The following USP15 variants were observed in gnomAD, a reference collection of about 807,000 sequenced individuals.
The protein encoded by USP15 is ubiquitin carboxyl-terminal hydrolase 15.
USP15 carries 18 observed loss-of-function variants against 127.1 expected under a neutral mutation model. The observed-to-expected ratio is 0.14, with a 90% confidence interval of 0.10 to 0.21. USP15 has a LOEUF of 0.21. Among genes scored for constraint, USP15 ranks in the 10% least tolerant of loss-of-function variants. The pLI is 1.00. For synonymous variants in USP15, 364 were observed against 393.7 expected, an observed-to-expected ratio of 0.92 and a Z score of 0.89; for missense variants, 805 against 1,159.9, an observed-to-expected ratio of 0.69 and a Z score of 4.44.
chr12:62,297,236 A>C (rs190258501), intron 2 of USP15, among the ~76,000 whole-genome samples: 2 of 152,360 alleles, frequency 1.3e-5, no homozygotes, highest in East Asian at 3.9e-4. Context: ...CAGCTGCCAC[A>C]ACCCTGTAAT....
rs889028811 is a variant in USP15, at chr12:62,374,295, G to C, written c.916-7195G>C. 5 of 785,204 alleles carry C rather than the reference G, an allele frequency of 6.4e-6. No homozygotes were observed. The African/African-American group carries it at 9.4e-5, about 15-fold the overall frequency. 48.6% of individuals were successfully genotyped at this position (785,204 alleles called of 1,614,324 possible). A position where few individuals can be genotyped will look rare whatever the true frequency, so the allele number is the denominator to read the frequency against. Reference sequence around the variant, plus strand: ...GTATAGCCATTTTTTTAAGGGTTGTGAGTGGTATTACCTTTTGATTAGTTA... The same window carrying C: ...GTATAGCCATTTTTTTAAGGGTTGTCAGTGGTATTACCTTTTGATTAGTTA... On this transcript the variant is annotated intron_variant, in intron 8 of 21. Transcript: ENST00000280377.
intron 9 of USP15, 107 bp downstream of exon 9, chr12:62,381,770 C>T: frequency 9.0e-7 from 1 of 1,106,718 alleles, no homozygotes. Flanking sequence ...GGTTTGTGGC[C>T]CTCCAAAGGA....
chr12:62,351,544 G>A (rs1291831180), intron 7 of USP15, among the ~76,000 whole-genome samples: 1 of 151,844 alleles, frequency 6.6e-6, no homozygotes, highest in African/African-American at 2.4e-5. Context: ...TACCATATTG[G>A]TATGAGTGGT....
At chr12:62,283,028 G>A (rs1056864973) in intron 1 of USP15, among the ~76,000 whole-genome samples, 2 of 151,944 alleles carry the variant, frequency 1.3e-5, no homozygotes, top group African/African-American at 4.8e-5. Flanking sequence ...AAAACTAACG[G>A]GAAATTTTGC....
intron 7 of USP15, among the ~76,000 whole-genome samples, chr12:62,351,283 G>A (rs1448380593): frequency 6.6e-6 from 1 of 150,814 alleles, no homozygotes; most frequent in Admixed American, 6.6e-5. Flanking sequence ...AAATGTATGT[G>A]CACAGGCCAA....
chr12:62,361,138 A>T (rs73136860), intron 8 of USP15, among the ~76,000 whole-genome samples: 11,691 of 152,124 alleles, frequency 0.077, 584 homozygotes, highest in Middle Eastern at 0.16. Context: ...GAAAGAGTAT[A>T]TATGGGATAG....
Position 62,413,219 on chromosome 12 carries a change from G to A in USP15, c.*8844G>A, listed in dbSNP as rs781287992. On this transcript the variant is annotated 3_prime_UTR_variant, in exon 22 of 22. Transcript: ENST00000280377. ...TTAGTAAACCTTCCTATAAACGGAT[G>A]TGCTACCATCCAGGCTTTATGGTTC... 2.0e-5 allele frequency: 3 copies of A among 152,200 alleles called. No homozygotes were observed. The highest frequency in any genetic ancestry group is 4.4e-5 in the Non-Finnish European group (3 of 68,036). 9.4% of individuals were successfully genotyped at this position (152,200 alleles called of 1,614,324 possible). A position where few individuals can be genotyped will look rare whatever the true frequency, so the allele number is the denominator to read the frequency against.
At chr12:62,349,381 A>C in intron 7 of USP15, 74 bp downstream of exon 7, 1 of 985,504 alleles carries the variant, frequency 1.0e-6, no homozygotes. Context: ...TCTTGTATCT[A>C]AAATTTAGGA....
intron 6 of USP15, among the ~76,000 whole-genome samples, chr12:62,337,263 A>T (rs975884079): frequency 5.3e-5 from 8 of 152,076 alleles, no homozygotes; most frequent in African/African-American, 1.7e-4. Flanking sequence ...CCTCTGCTTG[A>T]TAGCTGTATT....
At chr12:62,324,138 A>G (rs1048544879) in intron 5 of USP15, among the ~76,000 whole-genome samples, 1 of 151,946 alleles carries the variant, frequency 6.6e-6, no homozygotes, top group Admixed American at 6.6e-5. Flanking sequence ...TAATTTTGAA[A>G]TCTTTTCAAA....
rs887900459 is a variant in USP15, at chr12:62,414,410, A to G, written c.*10035A>G. 6.6e-6 allele frequency: 1 copy of G among 152,142 alleles called. No homozygotes were observed. Among genetic ancestry groups the G allele is most frequent in the African/African-American group, 2.4e-5 (1 of 41,422 alleles). The allele number at this position is 152,142 out of a possible 1,614,324, so 9.4% of individuals were successfully genotyped here. On this transcript the variant is annotated 3_prime_UTR_variant, in exon 22 of 22. Coordinates refer to ENST00000280377, the MANE Select transcript of USP15 (RefSeq NM_001252078.2). The stretch of plus-strand genomic sequence containing the variant: ...GGCTGGAGTGCAGTGGCACAATCTC[A>G]TCTCACTGCAGCCTCCAGCCTCTGG...
At chr12:62,295,502 AAAT>A (rs1226662025) in intron 2 of USP15, among the ~76,000 whole-genome samples, 1 of 152,214 alleles carries the variant, frequency 6.6e-6, no homozygotes, top group Non-Finnish European at 1.5e-5. Flanking sequence ...GGATCTGACC[AAAT>A]ATTACCTGGC....
intron 6 of USP15, among the ~76,000 whole-genome samples, chr12:62,329,518 AGTCAGAT>A (rs2065223141): frequency 6.6e-6 from 1 of 152,234 alleles, no homozygotes; most frequent in South Asian, 2.1e-4. Flanking sequence ...CAGAGTTAAA[AGTCAGAT>A]GTCAGCTTTG....
At position 62,407,658 on chromosome 12, in the gene USP15, C is replaced by T. The variant is rs1216718331; in HGVS notation, c.*3283C>T. 6.6e-6 allele frequency: 1 copy of T among 151,908 alleles called. No homozygotes were observed. Among genetic ancestry groups the T allele is most frequent in the Non-Finnish European group, 1.5e-5 (1 of 67,996 alleles). The allele number at this position is 151,908 out of a possible 1,614,324, so 9.4% of individuals were successfully genotyped here. On this transcript the variant is annotated 3_prime_UTR_variant, in exon 22 of 22. Transcript: ENST00000280377. ...ATTTTTTTCTTACCTTTTCATCTAACTTGTGTCCCCTTCTTTCCATTTCCC... is the reference window on the plus strand; with the variant it reads ...ATTTTTTTCTTACCTTTTCATCTAATTTGTGTCCCCTTCTTTCCATTTCCC...
chr12:62,267,654 C>A (rs2063229556), intron 1 of USP15, among the ~76,000 whole-genome samples: 1 of 152,038 alleles, frequency 6.6e-6, no homozygotes, highest in Admixed American at 6.6e-5. Flanking sequence ...TAATTCCCCA[C>A]CATAAGAGAA....
chr12:62,375,610 C>T (rs1277744176), intron 8 of USP15, among the ~76,000 whole-genome samples: 1 of 151,956 alleles, frequency 6.6e-6, no homozygotes, highest in Non-Finnish European at 1.5e-5. Context: ...GAGGAAGATA[C>T]GACATTTAGA....
rs2066087399 is a variant in USP15, at chr12:62,355,315, AT to A, written c.771-8del. 1.1e-5 allele frequency: 17 copies of A among 1,572,618 alleles called. No homozygotes were observed. The East Asian group carries it at 2.0e-4, about 19-fold the overall frequency. On this transcript the variant is annotated splice_polypyrimidine_tract_variant and intron_variant, in intron 7 of 21. Coordinates refer to ENST00000280377, the MANE Select transcript of USP15 (RefSeq NM_001252078.2). ...TAATATAATTGGCTGCATTATGAAA[AT>A]TTTTTTTCTTCCAGTGTGAAAAACT...
At chr12:62,360,479 T>C (rs1016109189) in intron 8 of USP15, among the ~76,000 whole-genome samples, 3 of 152,038 alleles carry the variant, frequency 2.0e-5, no homozygotes, top group African/African-American at 7.2e-5. Context: ...ACTAGATAGA[T>C]CTTCATTACA....
In USP15 at chr12:62,414,444, G is replaced by A. The variant is rs1368240336; in HGVS notation, c.*10069G>A. On this transcript the variant is annotated 3_prime_UTR_variant, in exon 22 of 22. Coordinates refer to ENST00000280377, the MANE Select transcript of USP15 (RefSeq NM_001252078.2). ...CAGCCTCCAGCCTCTGGGCTCAAGT[G>A]GTCCTCCCACCTCAGCCTCCGAAGT... is the stretch of plus-strand genomic sequence containing the variant. 6.6e-6 allele frequency: 1 copy of A among 152,234 alleles called. No individual in the cohort carries two copies. Among genetic ancestry groups the A allele is most frequent in the African/African-American group, 2.4e-5 (1 of 41,406 alleles). The allele number at this position is 152,234 out of a possible 1,614,324, so 9.4% of individuals were successfully genotyped here.
Sources: gnomAD v4.1 joint callset for allele counts (sites outside exome capture counted in the v4.1 genomes callset) on GRCh38, gnomAD v4.1.1 for gene constraint, MANE v1.5 for transcripts, NCBI Gene and HGNC (gene_info 2026-07-23, HGNC 2026-07-21) for gene names.